The following CERS6 variants were observed in gnomAD, a reference collection of about 807,000 sequenced individuals.
CERS6 encodes the protein LAG1 homolog, ceramide synthase 6.
In CERS6, 26 loss-of-function variants were observed where a neutral mutation model predicts 56.8. The observed-to-expected ratio is 0.46, with a 90% confidence interval of 0.34 to 0.63. The LOEUF is 0.63. Ranked by LOEUF, CERS6 falls within the 30% of genes least tolerant of loss-of-function variation. The pLI, the probability that CERS6 is intolerant of heterozygous loss-of-function variation, is 0.01. For synonymous variants in CERS6, 164 were observed against 173.3 expected, an observed-to-expected ratio of 0.95 and a Z score of 0.42; for missense variants, 415 against 467.5, an observed-to-expected ratio of 0.89 and a Z score of 1.04.
intron 4 of CERS6, among the ~76,000 whole-genome samples, chr2:168,646,464 A>G (rs573831156): frequency 6.6e-6 from 1 of 152,242 alleles, no homozygotes; most frequent in Non-Finnish European, 1.5e-5. Flanking sequence ...ATAGTTTGCA[A>G]ATATTTTCTC....
At chr2:168,495,933 T>A (rs1281785684) in intron 1 of CERS6, among the ~76,000 whole-genome samples, 1 of 152,176 alleles carries the variant, frequency 6.6e-6, no homozygotes, top group Non-Finnish European at 1.5e-5. Context: ...CCCCACCCTG[T>A]CTCCCAACTA....
chr2:168,605,021 A>G (rs1189675139), intron 3 of CERS6, among the ~76,000 whole-genome samples: 4 of 152,212 alleles, frequency 2.6e-5, no homozygotes, highest in African/African-American at 7.2e-5. Context: ...GACTGTTCCA[A>G]TGTCTGCCCA....
chr2:168,527,301 G>A (rs945108180), intron 1 of CERS6, among the ~76,000 whole-genome samples: 1 of 152,152 alleles, frequency 6.6e-6, no homozygotes, highest in Non-Finnish European at 1.5e-5. Context: ...CTACACATGC[G>A]TAGACTCCTT....
intron 1 of CERS6, among the ~76,000 whole-genome samples, chr2:168,473,495 A>G (rs10201462): frequency 0.18 from 27,715 of 152,120 alleles, 3,267 homozygotes; most frequent in Non-Finnish European, 0.26. Flanking sequence ...CTAGAAATGT[A>G]ATGACACAAT....
At chr2:168,589,395 G>A (rs1425178176) in intron 3 of CERS6, among the ~76,000 whole-genome samples, 1 of 152,190 alleles carries the variant, frequency 6.6e-6, no homozygotes, top group Non-Finnish European at 1.5e-5. Flanking sequence ...TGGCTGCTAA[G>A]AATTGGAGCT....
chr2:168,629,980 C>A (rs1470782176), intron 3 of CERS6, among the ~76,000 whole-genome samples: 1 of 151,798 alleles, frequency 6.6e-6, no homozygotes, highest in African/African-American at 2.4e-5. Context: ...CTAAGCCTGT[C>A]TAATTTTTTG....
chr2:168,601,757 C>G (rs559579445), intron 3 of CERS6, among the ~76,000 whole-genome samples: 1 of 152,070 alleles, frequency 6.6e-6, no homozygotes. Flanking sequence ...ACCATGTTGG[C>G]CATGTTGTTC....
chr2:168,533,469 T>G (rs905173549), intron 1 of CERS6, among the ~76,000 whole-genome samples: 1 of 152,228 alleles, frequency 6.6e-6, no homozygotes, highest in Non-Finnish European at 1.5e-5. Context: ...TGGCCAGAAC[T>G]TCTCATATTA....
chr2:168,641,019 T>C (rs1685022045), intron 4 of CERS6, among the ~76,000 whole-genome samples: 1 of 152,156 alleles, frequency 6.6e-6, no homozygotes, highest in Non-Finnish European at 1.5e-5. Flanking sequence ...TTTCAGATCT[T>C]TCCTCCATCC....
At chr2:168,478,939 T>C (rs1328458449) in intron 1 of CERS6, among the ~76,000 whole-genome samples, 1 of 152,254 alleles carries the variant, frequency 6.6e-6, no homozygotes, top group Non-Finnish European at 1.5e-5. Context: ...TTTTGTTAAA[T>C]TTTTGAGCCA....
chr2:168,661,612 A>G (rs967541479), intron 4 of CERS6, among the ~76,000 whole-genome samples: 1 of 152,188 alleles, frequency 6.6e-6, no homozygotes, highest in Admixed American at 6.5e-5. Context: ...AATGCCTGAC[A>G]TTTTCGCTCA....
intron 4 of CERS6, among the ~76,000 whole-genome samples, chr2:168,685,814 C>T (rs543038157): frequency 1.3e-5 from 2 of 151,834 alleles, no homozygotes; most frequent in African/African-American, 4.8e-5. Context: ...ATGCTTGCTG[C>T]TGAGTTATGT....
At chr2:168,667,261 G>A (rs922778661) in intron 4 of CERS6, among the ~76,000 whole-genome samples, 1 of 152,216 alleles carries the variant, frequency 6.6e-6, no homozygotes, top group Non-Finnish European at 1.5e-5. Flanking sequence ...CGTGCACTTT[G>A]TCAGTTTCTT....
chr2:168,704,510 C>G (rs1286519997), intron 6 of CERS6, among the ~76,000 whole-genome samples: 1 of 152,144 alleles, frequency 6.6e-6, no homozygotes, highest in African/African-American at 2.4e-5. Context: ...CTTTCCATCC[C>G]CATAAATATA....
intron 1 of CERS6, among the ~76,000 whole-genome samples, chr2:168,540,134 C>T (rs1334707393): frequency 6.6e-6 from 1 of 151,348 alleles, no homozygotes; most frequent in Admixed American, 6.6e-5. Context: ...TTTTGCTGAA[C>T]ATAGAATTTT....
chr2:168,602,549 T>C (rs1035228388), intron 3 of CERS6, among the ~76,000 whole-genome samples: 2 of 152,196 alleles, frequency 1.3e-5, no homozygotes, highest in African/African-American at 4.8e-5. Context: ...AATTATGCAG[T>C]GTTAGTATTC....
intron 4 of CERS6, among the ~76,000 whole-genome samples, chr2:168,637,247 G>A (rs938270087): frequency 6.6e-5 from 10 of 152,196 alleles, no homozygotes; most frequent in African/African-American, 2.2e-4. Flanking sequence ...GGAGGCTGAA[G>A]CGCGTGGATC....
intron 8 of CERS6, among the ~76,000 whole-genome samples, chr2:168,755,885 C>T (rs1438911569): frequency 6.6e-6 from 1 of 152,222 alleles, no homozygotes. Flanking sequence ...CTAAAACAAT[C>T]TCACAACCAG....
At chr2:168,527,794 C>G (rs1230521095) in intron 1 of CERS6, among the ~76,000 whole-genome samples, 1 of 152,154 alleles carries the variant, frequency 6.6e-6, no homozygotes, top group East Asian at 1.9e-4. Flanking sequence ...TATCTCAGCT[C>G]ACTGTACCCT....
Sources: gnomAD v4.1 joint callset for allele counts (sites outside exome capture counted in the v4.1 genomes callset) on GRCh38, gnomAD v4.1.1 for gene constraint, MANE v1.5 for transcripts, NCBI Gene and HGNC (gene_info 2026-07-23, HGNC 2026-07-21) for gene names.